Variants in C10orf67 observed in about 807,000 individuals in gnomAD.
C10orf67 encodes chromosome 10 open reading frame 67.
A neutral mutation model predicts 35.6 loss-of-function variants in C10orf67; 60 were observed. The ratio of observed to expected loss-of-function variants is 1.68; its 90% confidence interval spans 1.37 to 2.09. The LOEUF is 2.09. Among genes scored for constraint, C10orf67 ranks in the 30% most tolerant of loss-of-function variants. The pLI is 0.00. For missense variants in C10orf67, 474 were observed against 330.2 expected (o/e 1.44, Z -3.38); for synonymous variants, 167 against 115.8 (o/e 1.44, Z -2.84).
At chr10:23,301,783 C>A (rs1844085404) in intron 5 of C10orf67, among the ~76,000 whole-genome samples, 1 of 152,200 alleles carries the variant, frequency 6.6e-6, no homozygotes, top group Admixed American at 6.5e-5. Context: ...TTGGGCCATG[C>A]AGTGAGTGTT....
intron 15 of C10orf67, among the ~76,000 whole-genome samples, chr10:23,208,506 C>T (rs1417127401): frequency 2.6e-5 from 4 of 152,190 alleles, no homozygotes; most frequent in Non-Finnish European, 5.9e-5. Context: ...CCTCATGGGA[C>T]TTCCACAAAT....
In C10orf67 at chr10:23,203,163, G is replaced by C. The variant is rs967551599; in HGVS notation, c.*1010C>G. 1.3e-5 allele frequency: 2 copies of C among 152,186 alleles called. No individual in the cohort carries two copies. Among genetic ancestry groups the C allele is most frequent in the African/African-American group, 4.8e-5 (2 of 41,440 alleles). 9.4% of individuals were successfully genotyped at this position (152,186 alleles called of 1,614,324 possible). Reference sequence around the variant, plus strand: ...TAAAACAAGGTGTTGATATATAGCAGCAGATTTAAAACAAGTTTCTAGGGC... The same window carrying C: ...TAAAACAAGGTGTTGATATATAGCACCAGATTTAAAACAAGTTTCTAGGGC... On this transcript the variant is annotated 3_prime_UTR_variant, in exon 16 of 16. Coordinates refer to ENST00000636213, the MANE Select transcript of C10orf67 (RefSeq NM_001371909.1).
Position 23,230,574 on chromosome 10 carries a change from A to G in C10orf67, c.1435-6756T>C, listed in dbSNP as rs370819302. Among the ~76,000 whole-genome samples, 28 of 152,350 alleles carry G rather than the reference A, an allele frequency of 1.8e-4. No individual in the cohort carries two copies. In the South Asian group the frequency reaches 4.3e-3, roughly 24 times the overall value. The stretch of plus-strand genomic sequence containing the variant: ...CAATACATATAACTGGTAAAGGATT[A>G]GTATCCAAGTTATATAAATAATTCC... On this transcript the variant is annotated intron_variant, in intron 13 of 15. Transcript: ENST00000636213.
chr10:23,241,510 A>T (rs112483130), intron 12 of C10orf67, among the ~76,000 whole-genome samples: 1 of 152,214 alleles, frequency 6.6e-6, no homozygotes, highest in Non-Finnish European at 1.5e-5. Flanking sequence ...ACTGTAGTAG[A>T]GTGAACATTG....
intron 8 of C10orf67, among the ~76,000 whole-genome samples, chr10:23,277,937 G>A (rs1386495447): frequency 6.6e-6 from 1 of 152,146 alleles, no homozygotes; most frequent in Non-Finnish European, 1.5e-5. Flanking sequence ...CAATCATGGT[G>A]GAAGGTGAAG....
At chr10:23,244,755 G>T (rs1564469394) in intron 12 of C10orf67, among the ~76,000 whole-genome samples, 1 of 152,102 alleles carries the variant, frequency 6.6e-6, no homozygotes. Context: ...AAATAATATT[G>T]TCAAGATGTC....
chr10:23,214,552 GA>G (rs1249599958), intron 15 of C10orf67, among the ~76,000 whole-genome samples: 1 of 151,806 alleles, frequency 6.6e-6, no homozygotes, highest in Non-Finnish European at 1.5e-5. Context: ...TAAGCTAGAG[GA>G]AAAAACAGAA....
At chr10:23,327,825 G>A (rs961955368) in intron 2 of C10orf67, among the ~76,000 whole-genome samples, 2 of 151,096 alleles carry the variant, frequency 1.3e-5, no homozygotes, top group Admixed American at 6.6e-5. Flanking sequence ...ACTCCATCTC[G>A]GGGGAGAAAA....
chr10:23,212,869 T>C (rs184747205), intron 15 of C10orf67, among the ~76,000 whole-genome samples: 4 of 144,464 alleles, frequency 2.8e-5, no homozygotes, highest in African/African-American at 1.0e-4. Flanking sequence ...AAGGACAGAA[T>C]GCTAGGCAAG....
chr10:23,280,980 T>C (rs1298080248), intron 8 of C10orf67, among the ~76,000 whole-genome samples: 1 of 151,376 alleles, frequency 6.6e-6, no homozygotes, highest in African/African-American at 2.4e-5. Context: ...CAGAGGAGAG[T>C]GGGGGTGGGG....
chr10:23,249,903 G>GA (rs901480373), intron 12 of C10orf67, among the ~76,000 whole-genome samples: 1 of 152,122 alleles, frequency 6.6e-6, no homozygotes, highest in South Asian at 2.1e-4. Context: ...TAGGGTAAGG[G>GA]AAAAAATAAG....
intron 10 of C10orf67, among the ~76,000 whole-genome samples, chr10:23,252,835 C>A (rs1842494387): frequency 6.6e-6 from 1 of 152,126 alleles, no homozygotes; most frequent in Non-Finnish European, 1.5e-5. Flanking sequence ...TAATAGGCAA[C>A]TGATATGGTT....
intron 15 of C10orf67, among the ~76,000 whole-genome samples, chr10:23,206,412 G>A (rs1055932093): frequency 2.0e-5 from 3 of 152,276 alleles, no homozygotes; most frequent in Admixed American, 2.0e-4. Flanking sequence ...AGCTGTAACT[G>A]TCCATTTGTA....
chr10:23,283,000 T>C (rs569177907), intron 7 of C10orf67, among the ~76,000 whole-genome samples: 2 of 151,904 alleles, frequency 1.3e-5, no homozygotes, highest in South Asian at 4.2e-4. Context: ...TAGTATTTGA[T>C]AGCACAACAG....
chr10:23,209,049 G>A (rs1181620929), intron 15 of C10orf67, among the ~76,000 whole-genome samples: 1 of 152,004 alleles, frequency 6.6e-6, no homozygotes, highest in Non-Finnish European at 1.5e-5. Context: ...CATGTGTACA[G>A]GCACAGGTGC....
At chr10:23,343,561 T>A (rs1845999346) in intron 1 of C10orf67, among the ~76,000 whole-genome samples, 1 of 152,200 alleles carries the variant, frequency 6.6e-6, no homozygotes, top group African/African-American at 2.4e-5. Flanking sequence ...ATATTCACTA[T>A]GATCTATGAA....
At chr10:23,258,217 C>A in intron 10 of C10orf67, 1 of 162,012 alleles carries the variant, frequency 6.2e-6, no homozygotes, top group Non-Finnish European at 1.4e-5. Context: ...TGTGATGATG[C>A]CATCCCACAC....
intron 15 of C10orf67, among the ~76,000 whole-genome samples, chr10:23,212,778 T>TGAGAGAGAGAGAGAGAGAGA (rs58972226): frequency 9.9e-6 from 1 of 101,160 alleles, no homozygotes; most frequent in African/African-American, 3.6e-5. Flanking sequence ...AATATTGTAT[T>TGAGAGAGAGAGAGAGAGAGA]GAGAGAGAGA....
chr10:23,315,509 G>T (rs1373070874), intron 4 of C10orf67, among the ~76,000 whole-genome samples: 3 of 152,096 alleles, frequency 2.0e-5, no homozygotes, highest in African/African-American at 4.8e-5. Context: ...CATGATCATG[G>T]CTCACTGCAG....
Sources: allele counts gnomAD v4.1 joint callset (sites outside exome capture counted in the v4.1 genomes callset), GRCh38; gene constraint gnomAD v4.1.1; transcripts MANE v1.5; gene names NCBI Gene and HGNC (gene_info 2026-07-23, HGNC 2026-07-21).